SGCZ: variants seen among roughly 807,000 people sequenced by gnomAD.
SGCZ encodes sarcoglycan zeta.
In SGCZ, 40 loss-of-function variants were observed where a neutral mutation model predicts 41.3. The ratio of observed to expected loss-of-function variants is 0.97; its 90% CI spans 0.75 to 1.26. The LOEUF is 1.26. Ranked by LOEUF, SGCZ falls within the 50% of genes most tolerant of loss-of-function variation. The pLI is 0.00. For synonymous variants in SGCZ, 206 were observed against 137.5 expected, an observed-to-expected ratio of 1.50 and a Z score of -3.49; for missense variants, 552 against 369.8, an observed-to-expected ratio of 1.49 and a Z score of -4.04.
chr8:14,236,031 G>C (rs1042428298), intron 4 of SGCZ, among the ~76,000 whole-genome samples: 1 of 152,080 alleles, frequency 6.6e-6, no homozygotes. Flanking sequence ...TTTATATCAA[G>C]GACTGAATGC....
chr8:14,204,217 G>T (rs755597453), intron 4 of SGCZ, among the ~76,000 whole-genome samples: 1 of 151,716 alleles, frequency 6.6e-6, no homozygotes, highest in Non-Finnish European at 1.5e-5. Context: ...TAATTTGTTT[G>T]TGTCATATCT....
intron 1 of SGCZ, among the ~76,000 whole-genome samples, chr8:14,986,769 C>T (rs1245662117): frequency 1.3e-5 from 2 of 151,888 alleles, no homozygotes; most frequent in African/African-American, 4.8e-5. Context: ...GCTGGAGAAG[C>T]CTAAGGCAAA....
chr8:14,502,002 A>G (rs1201543131), intron 2 of SGCZ, among the ~76,000 whole-genome samples: 1 of 152,162 alleles, frequency 6.6e-6, no homozygotes, highest in East Asian at 1.9e-4. Flanking sequence ...TAGTTTGGGT[A>G]CAACCTTTTT....
At chr8:14,277,955 C>A (rs947293927) in intron 3 of SGCZ, among the ~76,000 whole-genome samples, 24 of 152,052 alleles carry the variant, frequency 1.6e-4, no homozygotes, top group African/African-American at 4.8e-4. Context: ...GAAGTCATCG[C>A]CATGCCCAGA....
intron 1 of SGCZ, among the ~76,000 whole-genome samples, chr8:14,851,576 T>A (rs1172649727): frequency 6.6e-6 from 1 of 152,088 alleles, no homozygotes; most frequent in Non-Finnish European, 1.5e-5. Flanking sequence ...GAAACCCAAA[T>A]GGTTTTATCA....
chr8:14,671,753 A>T (rs1339468966), intron 1 of SGCZ, among the ~76,000 whole-genome samples: 1 of 152,188 alleles, frequency 6.6e-6, no homozygotes, highest in Non-Finnish European at 1.5e-5. Flanking sequence ...AATAACATAA[A>T]TAATTTCAAA....
intron 1 of SGCZ, among the ~76,000 whole-genome samples, chr8:14,723,232 G>C (rs1291378825): frequency 6.6e-6 from 1 of 152,204 alleles, no homozygotes; most frequent in East Asian, 1.9e-4. Context: ...AATGCAGAAT[G>C]TGAATGGAGA....
intron 1 of SGCZ, among the ~76,000 whole-genome samples, chr8:14,779,548 G>A (rs1283528829): frequency 4.6e-5 from 7 of 152,154 alleles, no homozygotes. Context: ...AGAAATGATT[G>A]CTTTAAGCCA....
At chr8:14,898,302 G>A (rs1190538801) in intron 1 of SGCZ, among the ~76,000 whole-genome samples, 1 of 152,138 alleles carries the variant, frequency 6.6e-6, no homozygotes, top group East Asian at 1.9e-4. Context: ...CAGGCAAAGA[G>A]TGAAAGGAAG....
intron 1 of SGCZ, among the ~76,000 whole-genome samples, chr8:15,138,001 G>A (rs112583345): frequency 0.032 from 4,869 of 152,216 alleles, 122 homozygotes; most frequent in African/African-American, 0.073. Flanking sequence ...AAGCAGTCCC[G>A]GAGGGGGACT....
intron 1 of SGCZ, among the ~76,000 whole-genome samples, chr8:15,017,505 A>T (rs755890640): frequency 6.6e-6 from 1 of 152,046 alleles, no homozygotes; most frequent in Non-Finnish European, 1.5e-5. Context: ...TATTAGCATC[A>T]CATTATTTTT....
chr8:14,159,177 G>C (rs913000982), intron 5 of SGCZ, among the ~76,000 whole-genome samples: 9 of 152,076 alleles, frequency 5.9e-5, no homozygotes, highest in African/African-American at 1.9e-4. Context: ...AGCTATAAGA[G>C]ACACTTTAAA....
chr8:15,048,509 T>C (rs1804395553), intron 1 of SGCZ, among the ~76,000 whole-genome samples: 1 of 152,114 alleles, frequency 6.6e-6, no homozygotes. Context: ...AAAGAAATGA[T>C]ACATGTTTGA....
chr8:14,516,192 A>G (rs971095600), intron 2 of SGCZ, among the ~76,000 whole-genome samples: 5 of 151,848 alleles, frequency 3.3e-5, no homozygotes, highest in African/African-American at 9.7e-5. Context: ...AAGGTTTGAT[A>G]CATCGTAAAC....
chr8:14,321,690 G>C (rs1801923269), intron 3 of SGCZ, among the ~76,000 whole-genome samples: 1 of 152,092 alleles, frequency 6.6e-6, no homozygotes, highest in South Asian at 2.1e-4. Flanking sequence ...TTTTCTCTCA[G>C]CTTCACTGAA....
intron 1 of SGCZ, among the ~76,000 whole-genome samples, chr8:14,960,732 C>A (rs764967600): frequency 3.3e-5 from 5 of 151,848 alleles, no homozygotes; most frequent in Non-Finnish European, 7.4e-5. Context: ...GAAGAAATAG[C>A]CAAAGAAGCT....
chr8:14,333,484 C>A (rs992301281), intron 2 of SGCZ, among the ~76,000 whole-genome samples: 2 of 151,922 alleles, frequency 1.3e-5, no homozygotes, highest in Non-Finnish European at 2.9e-5. Context: ...TCTTTCCCAA[C>A]TGTGCTTAAT....
At chr8:14,344,779 T>C (rs1442077022) in intron 2 of SGCZ, among the ~76,000 whole-genome samples, 1 of 151,956 alleles carries the variant, frequency 6.6e-6, no homozygotes, top group African/African-American at 2.4e-5. Context: ...CAGCTACAAA[T>C]GAAAATATAA....
At chr8:14,819,976 G>A (rs941353552) in intron 1 of SGCZ, among the ~76,000 whole-genome samples, 2 of 151,756 alleles carry the variant, frequency 1.3e-5, no homozygotes, top group African/African-American at 4.8e-5. Context: ...AAAAGAACCA[G>A]GAAACAACTA....
Sources: allele counts gnomAD v4.1 joint callset (sites outside exome capture counted in the v4.1 genomes callset), GRCh38; gene constraint gnomAD v4.1.1; transcripts MANE v1.5; gene names NCBI Gene and HGNC (gene_info 2026-07-23, HGNC 2026-07-21).